Variants in GPR176 observed in about 807,000 individuals in gnomAD.
GPR176 encodes the protein G-protein coupled receptor 176.
Under a neutral mutation model 35.4 loss-of-function variants are expected in GPR176, and 26 were observed. The observed-to-expected ratio is 0.74, with a 90% CI of 0.54 to 1.02. The LOEUF is 1.02. Among genes scored for constraint, GPR176 ranks in the 50% least tolerant of loss-of-function variants. The probability of loss-of-function intolerance (pLI) is 0.00; values close to 1 mark genes in which losing one functional copy is unlikely to be tolerated. For missense variants in GPR176, 597 were observed against 665.3 expected (o/e 0.90, Z 1.13); for synonymous variants, 278 against 271.3 (o/e 1.02, Z -0.24).
intron 1 of GPR176, among the ~76,000 whole-genome samples, chr15:39,857,395 G>A (rs1205114322): frequency 1.3e-5 from 2 of 152,158 alleles, no homozygotes; most frequent in African/African-American, 4.8e-5. Context: ...AAGGAAATAC[G>A]GCTGGGCACA....
Position 39,801,257 on chromosome 15 carries a change from G to A in GPR176, c.1423C>T (p.Leu475=). The change falls in exon 3 of 3, where the codon CTG becomes TTG. Residue 475 remains leucine (L), a synonymous_variant. Coordinates refer to ENST00000561100, the MANE Select transcript of GPR176 (RefSeq NM_007223.3). ...GGGGTGTTGCCCAAGGGGGGAAGCA[G>A]CCGCTTCTTGCTGTTTCGGGTCTCT... is the stretch of plus-strand genomic sequence containing the variant. ...LSETRNSKKR[L]LPPLGNTPEE... 7.4e-6 allele frequency: 12 copies of A among 1,614,174 alleles called. No individual in the cohort carries two copies. The highest frequency in any genetic ancestry group is 1.0e-5 in the Non-Finnish European group (12 of 1,180,000).
intron 1 of GPR176, among the ~76,000 whole-genome samples, chr15:39,910,975 T>A (rs922098500): frequency 8.5e-5 from 13 of 152,118 alleles, no homozygotes; most frequent in African/African-American, 3.1e-4. Flanking sequence ...GAGGCAGAGG[T>A]TGCAGTTAGT....
intron 1 of GPR176, among the ~76,000 whole-genome samples, chr15:39,817,822 T>C (rs1370958686): frequency 6.6e-6 from 1 of 152,228 alleles, no homozygotes; most frequent in African/African-American, 2.4e-5. Context: ...GCAGGGAGTA[T>C]GACGGCGGGT....
At chr15:39,826,806 T>A (rs1361948342) in intron 1 of GPR176, among the ~76,000 whole-genome samples, 1 of 151,880 alleles carries the variant, frequency 6.6e-6, no homozygotes, top group African/African-American at 2.4e-5. Flanking sequence ...GCCATCAGAG[T>A]CAGCCTCCAA....
chr15:39,882,742 G>A (rs868502854), intron 1 of GPR176, among the ~76,000 whole-genome samples: 2 of 152,198 alleles, frequency 1.3e-5, no homozygotes, highest in Admixed American at 6.6e-5. Flanking sequence ...AATCAGATCT[G>A]AGTATATGTT....
At chr15:39,871,568 A>C (rs1195545560) in intron 1 of GPR176, among the ~76,000 whole-genome samples, 1 of 152,226 alleles carries the variant, frequency 6.6e-6, no homozygotes, top group Non-Finnish European at 1.5e-5. Flanking sequence ...CACAACAGAC[A>C]GTGCTCACCA....
At chr15:39,839,520 A>T (rs955828789) in intron 1 of GPR176, among the ~76,000 whole-genome samples, 10 of 152,240 alleles carry the variant, frequency 6.6e-5, no homozygotes, top group Non-Finnish European at 1.5e-4. Context: ...AAAACCATAA[A>T]AACCCTAGAA....
At chr15:39,853,926 C>T (rs1400882489) in intron 1 of GPR176, among the ~76,000 whole-genome samples, 2 of 152,080 alleles carry the variant, frequency 1.3e-5, no homozygotes, top group Non-Finnish European at 2.9e-5. Flanking sequence ...CAATTATCAT[C>T]ATCATAATTA....
chr15:39,858,052 G>C (rs2031354577), intron 1 of GPR176, among the ~76,000 whole-genome samples: 1 of 151,998 alleles, frequency 6.6e-6, no homozygotes, highest in South Asian at 2.1e-4. Context: ...CTCTACACAG[G>C]CCATAAGACC....
At chr15:39,825,106 C>G (rs1009776715) in intron 1 of GPR176, among the ~76,000 whole-genome samples, 2 of 152,104 alleles carry the variant, frequency 1.3e-5, no homozygotes, top group African/African-American at 4.8e-5. Flanking sequence ...ACTTGGGAGG[C>G]TGAGATACGA....
chr15:39,886,989 C>A (rs1422830341), intron 1 of GPR176, among the ~76,000 whole-genome samples: 9 of 152,204 alleles, frequency 5.9e-5, no homozygotes, highest in Admixed American at 5.9e-4. Context: ...CAAGGGAACA[C>A]GAGGTTATTT....
chr15:39,863,402 C>T (rs1566955390), intron 1 of GPR176, among the ~76,000 whole-genome samples: 1 of 151,240 alleles, frequency 6.6e-6, no homozygotes, highest in Non-Finnish European at 1.5e-5. Context: ...TATAGAATAA[C>T]GATATAAAGA....
chr15:39,893,619 C>T (rs2032957645), intron 1 of GPR176, among the ~76,000 whole-genome samples: 1 of 152,328 alleles, frequency 6.6e-6, no homozygotes, highest in South Asian at 2.1e-4. Flanking sequence ...AGCTGTTGGG[C>T]ACACCTCCCA....
chr15:39,881,872 A>T (rs1409140541), intron 1 of GPR176, among the ~76,000 whole-genome samples: 3 of 152,232 alleles, frequency 2.0e-5, no homozygotes, highest in African/African-American at 7.2e-5. Context: ...GTTTCTCACA[A>T]GTGAAGTTGG....
intron 1 of GPR176, chr15:39,829,011 C>T: frequency 4.3e-6 from 3 of 704,804 alleles, no homozygotes; most frequent in Non-Finnish European, 7.7e-6. Flanking sequence ...TTTGCAAGAA[C>T]TCAATGAGTT....
chr15:39,865,409 T>C (rs1016152217), intron 1 of GPR176, among the ~76,000 whole-genome samples: 3 of 152,190 alleles, frequency 2.0e-5, no homozygotes, highest in Non-Finnish European at 4.4e-5. Context: ...GCAACATGGA[T>C]GGAACTGGAG....
intron 1 of GPR176, among the ~76,000 whole-genome samples, chr15:39,820,171 G>A (rs966551505): frequency 3.1e-4 from 47 of 152,146 alleles, no homozygotes; most frequent in African/African-American, 1.0e-3. Context: ...CAGCAGGAGA[G>A]GAGTGTTTGC....
chr15:39,844,187 G>A (rs977605494), intron 1 of GPR176, among the ~76,000 whole-genome samples: 13 of 152,064 alleles, frequency 8.5e-5, no homozygotes, highest in Non-Finnish European at 1.5e-4. Context: ...CACAAGAACA[G>A]TGGTCCTCAA....
intron 1 of GPR176, among the ~76,000 whole-genome samples, chr15:39,866,057 T>C (rs2031815673): frequency 6.6e-6 from 1 of 151,996 alleles, no homozygotes; most frequent in South Asian, 2.1e-4. Flanking sequence ...ATGAAAGGAT[T>C]TTTTCCAAGA....
Sources: allele counts gnomAD v4.1 joint callset (sites outside exome capture counted in the v4.1 genomes callset), GRCh38; gene constraint gnomAD v4.1.1; transcripts MANE v1.5; gene names NCBI Gene and HGNC (gene_info 2026-07-23, HGNC 2026-07-21).